Variants in MAMLD1 observed in about 807,000 individuals in gnomAD.
MAMLD1 encodes mastermind like domain containing 1.
In MAMLD1, 14 loss-of-function variants were observed where a neutral mutation model predicts 45.0. The ratio of observed to expected loss-of-function variants is 0.31; its 90% CI spans 0.21 to 0.49. The LOEUF (loss-of-function observed/expected upper bound fraction) is 0.49, where lower values mean the gene tolerates loss of function less well. Among genes scored for constraint, MAMLD1 ranks in the 20% least tolerant of loss-of-function variants. MAMLD1 has a pLI of 0.99. For synonymous variants in MAMLD1, 254 were observed against 247.8 expected, an observed-to-expected ratio of 1.02 and a Z score of -0.24; for missense variants, 543 against 603.6, an observed-to-expected ratio of 0.90 and a Z score of 1.05.
chrX:150,474,767 T>A (rs1214700184), intron 5 of MAMLD1, among the ~76,000 whole-genome samples: 1 of 111,457 alleles, frequency 9.0e-6, no homozygotes, highest in Non-Finnish European at 1.9e-5. Context: ...TTTCTTGAGC[T>A]CTCCGGCACT....
upstream of MAMLD1, among the ~76,000 whole-genome samples, chrX:150,362,044 G>T (rs1603186215): frequency 8.9e-6 from 1 of 112,593 alleles, no homozygotes; most frequent in African/African-American, 3.2e-5. Context: ...GGACTGGGAA[G>T]TGGGGAGTGG....
At chrX:150,493,296 C>G (rs376719725) in intron 5 of MAMLD1, among the ~76,000 whole-genome samples, 1 of 111,487 alleles carries the variant, frequency 9.0e-6, no homozygotes, top group Admixed American at 9.5e-5. Flanking sequence ...CCAGAAGGAG[C>G]GTGGTTTGCT....
intron 1 of MAMLD1, among the ~76,000 whole-genome samples, chrX:150,403,963 A>AGAAG: frequency 1.1e-5 from 1 of 89,320 alleles, no homozygotes; most frequent in Non-Finnish European, 2.2e-5. Context: ...AAAGAAAGAA[A>AGAAG]GAAAGAAAGA....
chrX:150,363,930 G>A (rs1257428808), intron 1 of MAMLD1, among the ~76,000 whole-genome samples: 1 of 113,254 alleles, frequency 8.8e-6, no homozygotes, highest in Admixed American at 9.2e-5. Context: ...CACCGGCGAC[G>A]GTGCCTTCAC....
At chrX:150,462,137 G>A (rs781937215) in intron 2 of MAMLD1, among the ~76,000 whole-genome samples, 2 of 112,331 alleles carry the variant, frequency 1.8e-5, no homozygotes, top group South Asian at 3.7e-4. Context: ...TCTCTGGAAG[G>A]TTGGAAGCAC....
intron 1 of MAMLD1, among the ~76,000 whole-genome samples, chrX:150,421,714 A>C (rs990574311): frequency 2.7e-5 from 3 of 112,270 alleles, no homozygotes; most frequent in African/African-American, 6.5e-5. Flanking sequence ...TTCTTTTTAG[A>C]ACGTGTTGGG....
Position 150,469,774 on chromosome X carries a change from C to T in MAMLD1, c.201C>T (p.Asp67=). ...CTGTTAAGAGGAGACAAGAAGAAGA[C>T]CACTTCCAGTTTCCAGACATGGCTG... ...QGTVKRRQEE[D]HFQFPDMADG... is the part of the protein sequence containing the mutation. The change falls in exon 4 of 8, where the codon GAC becomes GAT. Residue 67 remains aspartate (D), a synonymous_variant. Transcript: ENST00000370401. The T allele has an allele frequency of 8.3e-7, 1 of 1,210,645 alleles. No homozygotes were observed. Among genetic ancestry groups the T allele is most frequent in the South Asian group, 1.8e-5 (1 of 56,911 alleles).
At chrX:150,481,226 G>A (rs938983855) in intron 5 of MAMLD1, among the ~76,000 whole-genome samples, 6 of 112,887 alleles carry the variant, frequency 5.3e-5, no homozygotes, top group Non-Finnish European at 5.6e-5. Context: ...CCTTTATCTG[G>A]CAATCCTTTC....
chrX:150,499,120 G>T (rs2037477702), intron 5 of MAMLD1, among the ~76,000 whole-genome samples: 1 of 112,011 alleles, frequency 8.9e-6, no homozygotes, highest in Non-Finnish European at 1.9e-5. Context: ...AAGTCAGTGA[G>T]CCACAGAGGA....
At chrX:150,403,589 A>T (rs1242612701) in intron 1 of MAMLD1, among the ~76,000 whole-genome samples, 1 of 111,081 alleles carries the variant, frequency 9.0e-6, no homozygotes, top group Non-Finnish European at 1.9e-5. Flanking sequence ...TCAGCTAAGC[A>T]GTGGGCAGCA....
intron 6 of MAMLD1, among the ~76,000 whole-genome samples, chrX:150,505,870 A>G (rs921770874): frequency 8.0e-5 from 9 of 112,742 alleles, no homozygotes; most frequent in African/African-American, 2.9e-4. Flanking sequence ...CCGTCCTCCA[A>G]CTAGGCTTCA....
chrX:150,414,412 C>A (rs1185152121), intron 1 of MAMLD1, among the ~76,000 whole-genome samples: 2 of 111,421 alleles, frequency 1.8e-5, no homozygotes, highest in African/African-American at 6.5e-5. Flanking sequence ...TATGTGATTG[C>A]GTAACCAATT....
At chrX:150,423,614 AAG>A (rs138772700) in intron 1 of MAMLD1, among the ~76,000 whole-genome samples, 312 of 101,086 alleles carry the variant, frequency 3.1e-3, no homozygotes, top group Middle Eastern at 5.1e-3. Flanking sequence ...AAGAGAGAGA[AAG>A]AGAGAGAGAG....
At chrX:150,436,480 T>C (rs2035127691) in intron 1 of MAMLD1, among the ~76,000 whole-genome samples, 1 of 112,111 alleles carries the variant, frequency 8.9e-6, no homozygotes, top group African/African-American at 3.2e-5. Flanking sequence ...CTTCAAGCTC[T>C]GAGATTCTTT....
At chrX:150,391,259 C>A (rs1194701091) in intron 1 of MAMLD1, among the ~76,000 whole-genome samples, 1 of 111,856 alleles carries the variant, frequency 8.9e-6, no homozygotes, top group East Asian at 2.8e-4. Context: ...TTTTCTTACT[C>A]TCTCCGCTCT....
chrX:150,388,223 A>G (rs1397382917), intron 1 of MAMLD1, among the ~76,000 whole-genome samples: 1 of 111,760 alleles, frequency 8.9e-6, no homozygotes, highest in Non-Finnish European at 1.9e-5. Flanking sequence ...TAGATTATAT[A>G]TTTCATGTTG....
intron 1 of MAMLD1, among the ~76,000 whole-genome samples, chrX:150,409,955 G>T (rs1776990154): frequency 8.9e-6 from 1 of 112,444 alleles, no homozygotes; most frequent in African/African-American, 3.2e-5. Flanking sequence ...ACATAGAAAT[G>T]GTATGTGGAT....
chrX:150,368,195 A>G (rs1412106343), intron 1 of MAMLD1, among the ~76,000 whole-genome samples: 1 of 109,176 alleles, frequency 9.2e-6, no homozygotes, highest in Non-Finnish European at 1.9e-5. Context: ...AAGTGTTCCT[A>G]TTTCTCCACA....
At chrX:150,403,970 AAGAAAGAAAG>A (rs1431722966) in intron 1 of MAMLD1, among the ~76,000 whole-genome samples, 64 of 95,088 alleles carry the variant, frequency 6.7e-4, no homozygotes, top group African/African-American at 2.4e-3. Context: ...GAAAGAAAGA[AAGAAAGAAAG>A]AAAGAAAGAA....
Sources: allele counts gnomAD v4.1 joint callset (sites outside exome capture counted in the v4.1 genomes callset), GRCh38; gene constraint gnomAD v4.1.1; transcripts MANE v1.5; gene names NCBI Gene and HGNC (gene_info 2026-07-23, HGNC 2026-07-21).